The following SMC2 variants were observed in gnomAD, a reference collection of about 807,000 sequenced individuals.
The protein encoded by SMC2 is structural maintenance of chromosomes protein 2.
SMC2 carries 41 observed loss-of-function variants against 142.6 expected under a neutral mutation model. That is an observed-to-expected ratio of 0.29 (90% CI 0.22 to 0.37). The LOEUF is 0.37. SMC2 is among the 10% of genes least tolerant of loss of function. The pLI is 1.00. For synonymous variants in SMC2, 463 were observed against 457.5 expected (o/e 1.01, Z -0.15); for missense variants, 1,265 against 1,373.7 (o/e 0.92, Z 1.25).
intron 9 of SMC2, among the ~76,000 whole-genome samples, chr9:104,108,567 G>C (rs563767624): frequency 1.3e-5 from 2 of 152,076 alleles, no homozygotes; most frequent in African/African-American, 4.8e-5. Context: ...GCTCTCTGGC[G>C]CTGGGAATGA....
chr9:104,111,452 G>A (rs553203159), intron 9 of SMC2, 129 bp from the exon 10 acceptor site: 1 of 594,748 alleles, frequency 1.7e-6, no homozygotes, highest in East Asian at 2.8e-5. Context: ...ATAAAGTTAT[G>A]ATGGTTAAAT....
chr9:104,095,427 G>A lies in SMC2; in HGVS notation c.43G>A (p.Ala15Thr). 1 of 1,613,828 alleles carries A rather than the reference G, an allele frequency of 6.2e-7. No homozygotes were observed. Among genetic ancestry groups the A allele is most frequent in the Non-Finnish European group, 8.5e-7 (1 of 1,179,962 alleles). The change falls in exon 2 of 25, where the codon GCT (alanine) becomes ACT (threonine). Residue 15 changes from alanine to threonine, a missense_variant. Physicochemically the swap from Ala to Thr is moderately conservative, Grantham distance 58 (BLOSUM62 0). This residue lies in a region of SMC2 where 168 missense variants were observed against 184.8 expected (regional missense o/e 0.91). Coordinates refer to ENST00000374793, the MANE Select transcript of SMC2 (RefSeq NM_006444.3). ...SIILEGFKSYAQRTEVNGFDP... is the reference protein window; with the variant it reads ...SIILEGFKSYTQRTEVNGFDP... The stretch of plus-strand genomic sequence containing the variant: ...TATTCTAGAGGGATTCAAGTCCTAT[G>A]CTCAGAGGACCGAAGTCAATGGTTT...
intron 9 of SMC2, among the ~76,000 whole-genome samples, chr9:104,104,119 A>G (rs1831483927): frequency 6.6e-6 from 1 of 152,106 alleles, no homozygotes; most frequent in African/African-American, 2.4e-5. Flanking sequence ...TATCTTTTAT[A>G]AACTCTCACG....
chr9:104,126,556 T>G, intron 18 of SMC2, 85 bp from the exon 19 acceptor site: 3 of 829,238 alleles, frequency 3.6e-6, no homozygotes, highest in South Asian at 2.0e-5. Context: ...TGCATGAGAT[T>G]ATTATTTATT....
intron 2 of SMC2, 132 bp from the exon 3 acceptor site, chr9:104,096,016 G>A (rs1366483496): frequency 8.4e-6 from 6 of 713,672 alleles, no homozygotes; most frequent in Non-Finnish European, 9.1e-6. Context: ...GCCAGAGGAT[G>A]CAGCTGCCTA....
chr9:104,130,484 C>T (rs1019960589), intron 21 of SMC2, among the ~76,000 whole-genome samples: 2 of 152,100 alleles, frequency 1.3e-5, no homozygotes, highest in African/African-American at 4.8e-5. Context: ...CCATACCTTC[C>T]TGAATGCTGG....
chr9:104,093,946 G>A (rs1048201063), upstream of SMC2, among the ~76,000 whole-genome samples: 16 of 152,354 alleles, frequency 1.1e-4, no homozygotes, highest in African/African-American at 3.6e-4. Context: ...GCTTTGAGGA[G>A]AGAAAAGTAA....
At chr9:104,096,381 T>C in intron 3 of SMC2, 84 bp downstream of exon 3, 1 of 1,344,490 alleles carries the variant, frequency 7.4e-7, no homozygotes, top group Non-Finnish European at 1.0e-6. Flanking sequence ...CAAAACGTGC[T>C]AGAGAAAGTT....
At chr9:104,111,508 A>T (rs1832442113) in intron 9 of SMC2, 73 bp from the exon 10 acceptor site, 1 of 819,876 alleles carries the variant, frequency 1.2e-6, no homozygotes, top group African/African-American at 1.7e-5. Flanking sequence ...TTTATTACAT[A>T]AGGGTATGCG....
intron 11 of SMC2, 76 bp downstream of exon 11, chr9:104,113,551 ACGC>A (rs1832732687): frequency 8.3e-7 from 1 of 1,197,752 alleles, no homozygotes; most frequent in Non-Finnish European, 1.1e-6. Flanking sequence ...TAAATAAAGA[ACGC>A]AAGCAAGTAG....
chr9:104,119,460 A>G (rs1439798776), intron 15 of SMC2, among the ~76,000 whole-genome samples: 1 of 152,168 alleles, frequency 6.6e-6, no homozygotes, highest in African/African-American at 2.4e-5. Flanking sequence ...AAATCGGCTT[A>G]TTCTGCTTGC....
intron 17 of SMC2, 46 bp from the exon 18 acceptor site, chr9:104,124,866 C>G: frequency 6.9e-7 from 1 of 1,451,130 alleles, no homozygotes; most frequent in Non-Finnish European, 9.4e-7. Flanking sequence ...ATTTGTCAAC[C>G]TTTACCATTG....
At chr9:104,111,836 A>G in intron 10 of SMC2, 22 bp downstream of exon 10, 2 of 1,502,140 alleles carry the variant, frequency 1.3e-6, no homozygotes, top group South Asian at 1.2e-5. Flanking sequence ...CATTAGCACT[A>G]TGTGATTGCT....
Position 104,102,517 on chromosome 9 carries a change from A to G in SMC2, c.964A>G (p.Lys322Glu), listed in dbSNP as rs1465706165. ...KSQSAFDLKKKNLACEESKRK... is the reference protein window; with the variant it reads ...KSQSAFDLKKENLACEESKRK... ...TCAAAGCGCATTTGATCTCAAGAAG[A>G]AAAATCTGGCATGTGAGGAAAGCAA... Residue 322 changes from lysine (K) to glutamate (E), a missense_variant, in exon 9 of 25, where the codon AAA (lysine) becomes GAA (glutamate). By Grantham distance (56) the Lys-to-Glu change is moderately conservative (BLOSUM62 1). Transcript: ENST00000374793. 3 of 1,613,698 alleles carry G rather than the reference A, an allele frequency of 1.9e-6. No individual in the cohort carries two copies. The highest frequency in any genetic ancestry group is 3.3e-5 in the Admixed American group (2 of 59,940).
At chr9:104,112,496 A>G (rs914625240) in intron 10 of SMC2, among the ~76,000 whole-genome samples, 3 of 152,142 alleles carry the variant, frequency 2.0e-5, no homozygotes, top group Non-Finnish European at 4.4e-5. Flanking sequence ...AAACATGTAC[A>G]CAAATGTGTG....
chr9:104,102,431 G>A lies in SMC2; in HGVS notation c.878G>A (p.Gly293Glu). Residue 293 changes from glycine to glutamate, a missense_variant, in exon 9 of 25, where the codon GGA becomes GAA. Around this residue, in one of 4 missense-constraint regions of SMC2, gnomAD observed 898 missense variants for 904.2 expected, o/e 0.99. Coordinates refer to ENST00000374793, the MANE Select transcript of SMC2 (RefSeq NM_006444.3). ...ELEKRKDKET[G>E]GILRSLEDAL... Reference sequence around the variant, plus strand: ...GACTGCATTTTGTTATAGGAAACTGGAGGTATACTTCGATCTTTAGAAGAT... The same window carrying A: ...GACTGCATTTTGTTATAGGAAACTGAAGGTATACTTCGATCTTTAGAAGAT... 1 of 1,601,264 alleles carries A rather than the reference G, an allele frequency of 6.2e-7. No individual in the cohort carries two copies. Among genetic ancestry groups the A allele is most frequent in the Non-Finnish European group, 8.5e-7 (1 of 1,175,890 alleles).
In SMC2 at chr9:104,125,260, CAA is replaced by C. The variant is rs371844049; in HGVS notation, c.2451+157_2451+158del. 3.4e-3 allele frequency among the ~76,000 whole-genome samples: 523 copies of C among 152,200 alleles called. 1 individual carries two copies. The highest frequency in any genetic ancestry group is 0.012 in the African/African-American group (499 of 41,524). ...GAAACAAATTATGCTTCTTACAAGTCAAAGGAGTATCCAGGATGAGCATCTCA... is the reference window on the plus strand; with the variant it reads ...GAAACAAATTATGCTTCTTACAAGTCAGGAGTATCCAGGATGAGCATCTCA... On this transcript the variant is annotated intron_variant, in intron 18 of 24. Coordinates refer to ENST00000374793, the MANE Select transcript of SMC2 (RefSeq NM_006444.3).
intron 20 of SMC2, among the ~76,000 whole-genome samples, 161 bp from the exon 21 acceptor site, chr9:104,129,484 A>G (rs1233431654): frequency 6.6e-6 from 1 of 151,410 alleles, no homozygotes; most frequent in African/African-American, 2.4e-5. Flanking sequence ...CTTGGGCAAC[A>G]AGAGTGAAAC....
chr9:104,129,602 G>GTAAACATTCAT, intron 20 of SMC2, 43 bp from the exon 21 acceptor site: 1 of 1,465,166 alleles, frequency 6.8e-7, no homozygotes, highest in Admixed American at 1.7e-5. Context: ...ATATTGGTTT[G>GTAAACATTCAT]TAAACATTCA....
Sources: allele counts gnomAD v4.1 joint callset (sites outside exome capture counted in the v4.1 genomes callset), GRCh38; gene constraint gnomAD v4.1.1; regional missense constraint gnomAD v4.1.1; transcripts MANE v1.5; gene names NCBI Gene and HGNC (gene_info 2026-07-23, HGNC 2026-07-21).